TENM3: variants seen among roughly 807,000 people sequenced by gnomAD.
The protein encoded by TENM3 is teneurin-3.
Under a neutral mutation model 255.1 loss-of-function variants are expected in TENM3, and 63 were observed. The ratio of observed to expected loss-of-function variants is 0.25; its 90% CI spans 0.20 to 0.30. The LOEUF (loss-of-function observed/expected upper bound fraction) is 0.30. Among genes scored for constraint, TENM3 ranks in the 10% least tolerant of loss-of-function variants. The probability of loss-of-function intolerance (pLI) is 1.00; values close to 1 mark genes in which losing one functional copy is unlikely to be tolerated. For synonymous variants in TENM3, 1,306 were observed against 1,322.3 expected, an observed-to-expected ratio of 0.99 and a Z score of 0.27; for missense variants, 2,929 against 3,461.1, an observed-to-expected ratio of 0.85 and a Z score of 3.86.
At chr4:182,328,703 A>G (rs12650152) in intron 2 of TENM3, among the ~76,000 whole-genome samples, 75,355 of 151,880 alleles carry the variant, frequency 0.5, 19,442 homozygotes, top group Non-Finnish European at 0.57. Context: ...CCACTCCCAG[A>G]AACTCCCCTC....
intron 13 of TENM3, among the ~76,000 whole-genome samples, chr4:182,715,714 G>T (rs1183892314): frequency 1.3e-5 from 2 of 152,036 alleles, no homozygotes; most frequent in Non-Finnish European, 2.9e-5. Context: ...AGAGCGACCA[G>T]AACCAACCCC....
chr4:181,517,682 A>G, the TENM3 span, among the ~76,000 whole-genome samples: 13 of 152,324 alleles, frequency 8.5e-5, 1 homozygote, highest in Middle Eastern at 0.01. Flanking sequence ...CTATTTCATA[A>G]TAGTGCTGAT....
chr4:181,666,270 A>G, the TENM3 span, among the ~76,000 whole-genome samples: 882 of 152,304 alleles, frequency 5.8e-3, 6 homozygotes, highest in African/African-American at 0.02. Flanking sequence ...TTTCGGATAG[A>G]TTTTTAGCAG....
At chr4:182,175,857 T>C (rs139055566) in intron 1 of TENM3, among the ~76,000 whole-genome samples, 27 of 152,260 alleles carry the variant, frequency 1.8e-4, no homozygotes, top group Middle Eastern at 6.8e-3. Context: ...ACTGGGATGA[T>C]GGCTCAGTGG....
chr4:182,184,399 A>G (rs1753018159), intron 1 of TENM3, among the ~76,000 whole-genome samples: 1 of 152,152 alleles, frequency 6.6e-6, no homozygotes, highest in African/African-American at 2.4e-5. Flanking sequence ...AAAAATTTCC[A>G]AAAATTGCCC....
intron 3 of TENM3, among the ~76,000 whole-genome samples, chr4:182,570,371 A>G (rs1019962144): frequency 6.6e-6 from 1 of 152,180 alleles, no homozygotes; most frequent in African/African-American, 2.4e-5. Flanking sequence ...GGGGAATAGG[A>G]AGAAAGAATA....
At chr4:181,485,056 A>T in the TENM3 span, among the ~76,000 whole-genome samples, 1 of 152,166 alleles carries the variant, frequency 6.6e-6, no homozygotes, top group African/African-American at 2.4e-5. Flanking sequence ...TTTTCTTTAG[A>T]TAATATTAAT....
chr4:182,683,432 T>G (rs1208937679), intron 11 of TENM3, among the ~76,000 whole-genome samples: 2 of 152,204 alleles, frequency 1.3e-5, no homozygotes, highest in South Asian at 4.1e-4. Context: ...TTTCAGATTT[T>G]GTATTTTCAG....
In TENM3 at chr4:182,593,490, T is replaced by C. The variant is rs1035682483; in HGVS notation, c.512-7434T>C. ...TGATGACTGACTTTACTCAAACTAC[T>C]CGTATTCTGAAGCAGCACAGCTGTC... On this transcript the variant is annotated intron_variant, in intron 3 of 27. Transcript: ENST00000511685. Among the ~76,000 whole-genome samples, 9 of 152,134 alleles carry C rather than the reference T, an allele frequency of 5.9e-5. No homozygotes were observed. The South Asian group carries it at 1.5e-3, about 25-fold the overall frequency.
Position 182,373,733 on chromosome 4 carries a change from A to G in TENM3, c.511+26804A>G, listed in dbSNP as rs56328875. On this transcript the variant is annotated intron_variant, in intron 3 of 27. Coordinates refer to ENST00000511685, the MANE Select transcript of TENM3 (RefSeq NM_001080477.4). ...TCCGAACTATATCAGCCTCTGAACC[A>G]AGACTTGAAGGGCATAATTTCTTGC... is the stretch of plus-strand genomic sequence containing the variant. 6.4e-3 allele frequency among the ~76,000 whole-genome samples: 975 copies of G among 152,306 alleles called. 5 individuals carry two copies. Among genetic ancestry groups the G allele is most frequent in the Middle Eastern group, 0.017 (5 of 294 alleles).
the TENM3 span, among the ~76,000 whole-genome samples, chr4:181,776,580 A>G: frequency 6.6e-6 from 1 of 152,030 alleles, no homozygotes; most frequent in African/African-American, 2.4e-5. Context: ...CCTTGCCAGC[A>G]TCTGTTATTT....
At chr4:181,690,261 C>CA in the TENM3 span, among the ~76,000 whole-genome samples, 4 of 151,138 alleles carry the variant, frequency 2.6e-5, no homozygotes, top group South Asian at 8.4e-4. Flanking sequence ...CACACACACA[C>CA]CAGGATTATT....
rs17309636 is a variant in TENM3, at chr4:182,274,153, G to A, written c.-76+30677G>A. 2.7e-3 allele frequency among the ~76,000 whole-genome samples: 409 copies of A among 152,364 alleles called. 5 individuals carry two copies. Among genetic ancestry groups the A allele is most frequent in the Admixed American group, 7.3e-3 (112 of 15,302 alleles). The stretch of plus-strand genomic sequence containing the variant: ...AGTAGAAAATGCTAACATCACGGTA[G>A]TAGCATGAGAAGAAACTTCTAGGGG... On this transcript the variant is annotated intron_variant, in intron 1 of 27. Transcript: ENST00000511685.
At chr4:182,724,975 T>A (rs1319285680) in intron 13 of TENM3, among the ~76,000 whole-genome samples, 5 of 152,056 alleles carry the variant, frequency 3.3e-5, no homozygotes, top group Non-Finnish European at 5.9e-5. Flanking sequence ...GAAAGATTCG[T>A]CATAAACATC....
chr4:181,467,125 A>ATATATTTTTTTTT, the TENM3 span, among the ~76,000 whole-genome samples: 10 of 17,580 alleles, frequency 5.7e-4, no homozygotes, highest in East Asian at 1.1e-3. Context: ...ATATATATAT[A>ATATATTTTTTTTT]TTTTTTTTTT....
At chr4:182,702,386 A>G (rs1757938720) in intron 12 of TENM3, among the ~76,000 whole-genome samples, 1 of 152,210 alleles carries the variant, frequency 6.6e-6, no homozygotes, top group African/African-American at 2.4e-5. Flanking sequence ...CCTGGGGCTT[A>G]TGAAACCAAA....
intron 3 of TENM3, among the ~76,000 whole-genome samples, chr4:182,401,289 T>G (rs1769199502): frequency 6.6e-6 from 1 of 152,252 alleles, no homozygotes; most frequent in Non-Finnish European, 1.5e-5. Context: ...TGTTATCTTC[T>G]TTGAAATAAT....
intron 3 of TENM3, among the ~76,000 whole-genome samples, chr4:182,458,437 C>T (rs1361187621): frequency 6.6e-6 from 1 of 152,116 alleles, no homozygotes. Context: ...TAAAACCTTC[C>T]GGTTAGGAAG....
rs1554023733 is a variant in TENM3, at chr4:182,161,957, GTGTA to G, written c.-76+17205_-76+17208del. ...CACATATATATATTTGTGTGTGTGT[GTGTA>G]TATATATATATATATATATATATAT... On this transcript the variant is annotated intron_variant, in intron 1 of 2. Coordinates refer to the TENM3 transcript ENST00000512480. 4.1e-3 allele frequency among the ~76,000 whole-genome samples: 182 copies of G among 44,708 alleles called. 8 individuals carry two copies. The highest frequency in any genetic ancestry group is 0.017 in the African/African-American group (167 of 9,974). 29.3% of individuals were successfully genotyped at this position (44,708 alleles called of 152,430 possible).
Sources: allele counts gnomAD v4.1 joint callset (sites outside exome capture counted in the v4.1 genomes callset), GRCh38; gene constraint gnomAD v4.1.1; transcripts MANE v1.5; gene names NCBI Gene and HGNC (gene_info 2026-07-23, HGNC 2026-07-21).